The following RGS6 variants were observed in gnomAD, a reference collection of about 807,000 sequenced individuals.
RGS6 encodes the protein regulator of G protein signaling 6.
A neutral mutation model predicts 78.5 loss-of-function variants in RGS6; 30 were observed. That is an observed-to-expected ratio of 0.38 (90% confidence interval 0.29 to 0.52). The LOEUF (loss-of-function observed/expected upper bound fraction) is 0.52, where lower values mean the gene tolerates loss of function less well. RGS6 is among the 20% of genes least tolerant of loss of function. The pLI is 0.85. For synonymous variants in RGS6, 206 were observed against 206.0 expected (o/e 1.00, Z 0.00); for missense variants, 495 against 609.7 (o/e 0.81, Z 1.98).
intron 3 of RGS6, among the ~76,000 whole-genome samples, chr14:72,446,585 G>A (rs2095369522): frequency 6.6e-6 from 1 of 152,154 alleles, no homozygotes; most frequent in Non-Finnish European, 1.5e-5. Flanking sequence ...CCAGGGTTGT[G>A]GGGGATGGTT....
intron 2 of RGS6, among the ~76,000 whole-genome samples, chr14:72,275,633 A>G (rs904312656): frequency 1.3e-5 from 2 of 152,188 alleles, no homozygotes; most frequent in African/African-American, 4.8e-5. Flanking sequence ...TATAGCATCT[A>G]TTGGCATAAA....
intron 2 of RGS6, among the ~76,000 whole-genome samples, chr14:72,027,173 G>A (rs1354019126): frequency 6.6e-6 from 1 of 152,018 alleles, no homozygotes; most frequent in African/African-American, 2.4e-5. Flanking sequence ...AAGTCCAACG[G>A]GGAGGCAGGA....
At chr14:72,072,529 G>A (rs189889389) in intron 2 of RGS6, among the ~76,000 whole-genome samples, 167 of 152,062 alleles carry the variant, frequency 1.1e-3, no homozygotes, top group African/African-American at 3.8e-3. Flanking sequence ...GGATGGTGTC[G>A]ATCTCCTGAC....
intron 2 of RGS6, among the ~76,000 whole-genome samples, chr14:72,149,686 A>T (rs2096656595): frequency 6.6e-6 from 1 of 152,222 alleles, no homozygotes; most frequent in African/African-American, 2.4e-5. Flanking sequence ...GTAGAAGCAA[A>T]CAGTGACTGG....
chr14:72,210,215 T>C (rs1399794206), intron 2 of RGS6, among the ~76,000 whole-genome samples: 1 of 152,218 alleles, frequency 6.6e-6, no homozygotes, highest in Non-Finnish European at 1.5e-5. Context: ...CACAGGCAGA[T>C]TGAGCACACT....
At chr14:72,512,286 G>C (rs1324967185) in intron 14 of RGS6, among the ~76,000 whole-genome samples, 1 of 152,162 alleles carries the variant, frequency 6.6e-6, no homozygotes, top group African/African-American at 2.4e-5. Context: ...GCATCCACTG[G>C]CTCAGCTGCC....
intron 2 of RGS6, among the ~76,000 whole-genome samples, chr14:72,125,400 C>T (rs1411577408): frequency 6.6e-5 from 10 of 152,144 alleles, no homozygotes; most frequent in Admixed American, 6.6e-4. Context: ...TCCCAGCACC[C>T]CCATGCCTCC....
chr14:72,059,478 C>G (rs1158964906), intron 2 of RGS6, among the ~76,000 whole-genome samples: 1 of 152,158 alleles, frequency 6.6e-6, no homozygotes, highest in African/African-American at 2.4e-5. Context: ...GTGAGGTATC[C>G]TGGCACTTCA....
chr14:72,540,102 C>T lies in RGS6; in HGVS notation c.1422+8C>T, dbSNP rs1340420539. ...AAGTTCACTCGCAGTGTGGTAAGTT[C>T]AGTCGGTTTTCTTCCCTCAGCTTTT... On this transcript the variant is annotated splice_region_variant and intron_variant, in intron 17 of 17. Transcript: ENST00000553525. 6.3e-7 allele frequency: 1 copy of T among 1,584,710 alleles called. No homozygotes were observed. Among genetic ancestry groups the T allele is most frequent in the East Asian group, 2.2e-5 (1 of 44,756 alleles).
intron 2 of RGS6, among the ~76,000 whole-genome samples, chr14:72,014,748 G>A (rs776768753): frequency 1.9e-4 from 29 of 152,168 alleles, no homozygotes; most frequent in Non-Finnish European, 3.7e-4. Flanking sequence ...GTTTGTTTGC[G>A]TGTGTTCTTT....
chr14:72,197,511 G>T (rs991195310), intron 2 of RGS6, among the ~76,000 whole-genome samples: 1 of 152,178 alleles, frequency 6.6e-6, no homozygotes, highest in Non-Finnish European at 1.5e-5. Context: ...AACGAAGAAG[G>T]GAAGGCCTGG....
chr14:72,548,111 G>T (rs942832914), intron 17 of RGS6, among the ~76,000 whole-genome samples: 1 of 152,096 alleles, frequency 6.6e-6, no homozygotes, highest in African/African-American at 2.4e-5. Context: ...ATGTCCGCTG[G>T]AAAGGCAGTC....
chr14:72,001,172 G>A (rs1346780332), intron 2 of RGS6, among the ~76,000 whole-genome samples: 2 of 152,134 alleles, frequency 1.3e-5, no homozygotes, highest in Non-Finnish European at 2.9e-5. Context: ...GCTCGCAGTC[G>A]CGGTGGCCCT....
chr14:72,087,356 C>A (rs1402078246), intron 2 of RGS6, among the ~76,000 whole-genome samples: 1 of 152,134 alleles, frequency 6.6e-6, no homozygotes, highest in Admixed American at 6.5e-5. Context: ...GTTTTGAACT[C>A]CTTACCTCAA....
At chr14:72,092,879 T>C (rs889969788) in intron 2 of RGS6, among the ~76,000 whole-genome samples, 1 of 152,166 alleles carries the variant, frequency 6.6e-6, no homozygotes, top group African/African-American at 2.4e-5. Context: ...CTGAAGTCCA[T>C]ACGTTTTTCA....
At chr14:72,612,634 G>A in the RGS6 span, 1 of 518,562 alleles carries the variant, frequency 1.9e-6, no homozygotes, top group African/African-American at 1.9e-5. Flanking sequence ...GTCTCAGTGG[G>A]GAGTAGACAT....
chr14:72,162,690 G>A (rs1047782917), intron 2 of RGS6, among the ~76,000 whole-genome samples: 2 of 152,060 alleles, frequency 1.3e-5, no homozygotes, highest in Non-Finnish European at 2.9e-5. Context: ...AAAGATACTT[G>A]TATATGCATA....
At chr14:72,488,006 G>T (rs937289294) in intron 12 of RGS6, among the ~76,000 whole-genome samples, 3 of 152,096 alleles carry the variant, frequency 2.0e-5, no homozygotes, top group African/African-American at 7.2e-5. Context: ...TCATTCTGAT[G>T]ATTCAATACT....
intron 2 of RGS6, among the ~76,000 whole-genome samples, chr14:72,316,115 C>G (rs1031870088): frequency 6.6e-6 from 1 of 152,202 alleles, no homozygotes; most frequent in Non-Finnish European, 1.5e-5. Flanking sequence ...AGAAGAGTCA[C>G]TTTCAAGACA....
Sources: allele counts gnomAD v4.1 joint callset (sites outside exome capture counted in the v4.1 genomes callset), GRCh38; gene constraint gnomAD v4.1.1; transcripts MANE v1.5; gene names NCBI Gene and HGNC (gene_info 2026-07-23, HGNC 2026-07-21).